Variants in GALNTL5 observed in about 807,000 individuals in gnomAD.
GALNTL5 encodes the protein polypeptide N-acetylgalactosaminyltransferase like 5.
A neutral mutation model predicts 51.0 loss-of-function variants in GALNTL5; 44 were observed. That is an observed-to-expected ratio of 0.86 (90% CI 0.68 to 1.11). GALNTL5 has a LOEUF of 1.11. Among genes scored for constraint, GALNTL5 ranks in the 50% least tolerant of loss-of-function variants. The pLI is 0.00. For missense variants in GALNTL5, 528 were observed against 531.8 expected (o/e 0.99, Z 0.07); for synonymous variants, 192 against 182.8 (o/e 1.05, Z -0.41).
At position 151,967,265 on chromosome 7, in the gene GALNTL5, C is replaced by A; in HGVS notation, c.19C>A (p.Gln7Lys). The A allele has an allele frequency of 6.2e-7, 1 of 1,611,270 alleles. No homozygotes were observed. Among genetic ancestry groups the A allele is most frequent in the African/African-American group, 1.3e-5 (1 of 74,878 alleles). ...ATTTACAATGAGAAATGCCATAATT[C>A]AAGGTTTATTCTATGGGTCCTTGAC... MRNAII[Q>K]GLFYGSLTFG... The change falls in exon 2 of 9, where the codon CAA becomes AAA. Residue 7 changes from glutamine to lysine, a missense_variant. Gln to Lys is a moderately conservative substitution (Grantham distance 53). Transcript: ENST00000392800.
At chr7:151,966,718 A>G (rs541796096) in intron 1 of GALNTL5, among the ~76,000 whole-genome samples, 2 of 152,350 alleles carry the variant, frequency 1.3e-5, no homozygotes, top group South Asian at 2.1e-4. Flanking sequence ...TCATATACAT[A>G]TCTTCAACAT....
intron 5 of GALNTL5, among the ~76,000 whole-genome samples, chr7:151,997,667 T>C (rs1443849402): frequency 6.6e-6 from 1 of 152,206 alleles, no homozygotes; most frequent in African/African-American, 2.4e-5. Context: ...TCTTTCTGGG[T>C]CATTAGAATC....
At chr7:152,011,792 C>T (rs571540317) in intron 7 of GALNTL5, among the ~76,000 whole-genome samples, 1 of 152,310 alleles carries the variant, frequency 6.6e-6, no homozygotes, top group African/African-American at 2.4e-5. Flanking sequence ...GTGGGTTACC[C>T]TTGGCCCATC....
At chr7:151,982,677 G>A (rs2081308048) in intron 3 of GALNTL5, among the ~76,000 whole-genome samples, 1 of 151,590 alleles carries the variant, frequency 6.6e-6, no homozygotes, top group African/African-American at 2.4e-5. Context: ...TATAACAGAA[G>A]CTAATACATG....
chr7:151,988,304 T>C (rs2081386095), intron 5 of GALNTL5, among the ~76,000 whole-genome samples: 1 of 152,168 alleles, frequency 6.6e-6, no homozygotes, highest in African/African-American at 2.4e-5. Flanking sequence ...TCTGAGCAGC[T>C]TGATAGAGAG....
intron 7 of GALNTL5, among the ~76,000 whole-genome samples, chr7:152,009,298 G>A (rs1355521947): frequency 6.6e-6 from 1 of 152,122 alleles, no homozygotes; most frequent in Non-Finnish European, 1.5e-5. Context: ...TCAGCTTTCC[G>A]TGACATCGTT....
Position 151,987,259 on chromosome 7 carries a change from G to C in GALNTL5, c.636G>C (p.Leu212=), listed in dbSNP as rs140077291. ...GAGAGGGGCTGATTCGAGCAAGGCT[G>C]ATTGGAGCTTCTCATGCTTCAGGTA... ...KKREGLIRAR[L]IGASHASGDV... Residue 212 remains leucine (L), a synonymous_variant, in exon 5 of 9, where the codon CTG becomes CTC. Coordinates refer to ENST00000392800, the MANE Select transcript of GALNTL5 (RefSeq NM_145292.4). 6.3e-7 allele frequency: 1 copy of C among 1,583,312 alleles called. No individual in the cohort carries two copies. The highest frequency in any genetic ancestry group is 1.2e-5 in the South Asian group (1 of 83,546).
chr7:151,961,347 A>C (rs2080988500), intron 1 of GALNTL5, among the ~76,000 whole-genome samples: 1 of 152,082 alleles, frequency 6.6e-6, no homozygotes, highest in Admixed American at 6.5e-5. Context: ...ACAAAAAAAA[A>C]AATACAAAAA....
Position 151,967,251 on chromosome 7 carries a change from G to T in GALNTL5, c.5G>T (p.Arg2Ile), listed in dbSNP as rs1389360820. 3 of 1,609,142 alleles carry T rather than the reference G, an allele frequency of 1.9e-6. No individual in the cohort carries two copies. Among genetic ancestry groups the T allele is most frequent in the East Asian group, 2.2e-5 (1 of 44,850 alleles). ...TTTGAAAATGCTAGATTTACAATGA[G>T]AAATGCCATAATTCAAGGTTTATTC... M[R>I]NAIIQGLFYG... The change falls in exon 2 of 9, where the codon AGA becomes ATA. Residue 2 changes from arginine to isoleucine, a missense_variant. Physicochemically the swap from Arg to Ile is moderately conservative, Grantham distance 97. Transcript: ENST00000392800.
Position 152,002,772 on chromosome 7 carries a change from C to T in GALNTL5, c.717C>T (p.Pro239=). 3 of 1,614,030 alleles carry T rather than the reference C, an allele frequency of 1.9e-6. No homozygotes were observed. Among genetic ancestry groups the T allele is most frequent in the Non-Finnish European group, 1.7e-6 (2 of 1,179,938 alleles). Residue 239 remains proline (P), a synonymous_variant, in exon 6 of 9, where the codon CCC becomes CCT. Transcript: ENST00000392800. ...HCEVNRVWLE[P]LLHAIAKDPK... Reference sequence around the variant, plus strand: ...AGGTGAACAGAGTATGGCTGGAGCCCCTGCTGCATGCCATTGCCAAGGACC... The same window carrying T: ...AGGTGAACAGAGTATGGCTGGAGCCTCTGCTGCATGCCATTGCCAAGGACC...
intron 6 of GALNTL5, among the ~76,000 whole-genome samples, chr7:152,007,178 C>T (rs1302067653): frequency 6.6e-6 from 1 of 152,044 alleles, no homozygotes; most frequent in African/African-American, 2.4e-5. Context: ...TACAATTCAC[C>T]TAATGTCTTT....
At chr7:151,998,353 C>CA (rs1470760306) in intron 5 of GALNTL5, among the ~76,000 whole-genome samples, 8 of 151,130 alleles carry the variant, frequency 5.3e-5, no homozygotes, top group East Asian at 3.9e-4. Context: ...ATTTTTTTAA[C>CA]AAAAAAATGT....
intron 1 of GALNTL5, among the ~76,000 whole-genome samples, chr7:151,962,660 G>A (rs1238985319): frequency 6.6e-6 from 1 of 151,780 alleles, no homozygotes; most frequent in Non-Finnish European, 1.5e-5. Context: ...CCAGACTGGA[G>A]TGCAGTGGCA....
intron 3 of GALNTL5, among the ~76,000 whole-genome samples, chr7:151,981,563 TTCCTTCCTTCCTTCCTTCCTTCCTTCCC>T (rs777511070): frequency 0.31 from 15,862 of 51,284 alleles, 1,251 homozygotes; most frequent in South Asian, 0.36. Flanking sequence ...CCTTCCTTCC[TTCCTTCCTTCCTTCCTTCCTTCCTTCCC>T]TCCTTCCTTC....
intron 3 of GALNTL5, among the ~76,000 whole-genome samples, chr7:151,981,543 TCC>T (rs1319830285): frequency 7.7e-6 from 1 of 130,236 alleles, no homozygotes; most frequent in African/African-American, 2.9e-5. Context: ...ACATCTCTCT[TCC>T]CTTCCTTCCT....
At chr7:152,019,416 T>C (rs1264914448) in intron 8 of GALNTL5, among the ~76,000 whole-genome samples, 1 of 152,212 alleles carries the variant, frequency 6.6e-6, no homozygotes, top group Non-Finnish European at 1.5e-5. Flanking sequence ...CCAGTCTTCC[T>C]GGATCCCGCT....
At chr7:151,986,102 G>A (rs2081356706) in intron 4 of GALNTL5, 1 of 152,164 alleles carries the variant, frequency 6.6e-6, no homozygotes, top group South Asian at 2.1e-4. Flanking sequence ...TCTGTGCTGG[G>A]TGATATATTT....
At chr7:151,979,276 A>ATTTTT (rs10681163) in intron 3 of GALNTL5, among the ~76,000 whole-genome samples, 3 of 131,440 alleles carry the variant, frequency 2.3e-5, no homozygotes, top group African/African-American at 8.7e-5. Flanking sequence ...CGCCCAGCTA[A>ATTTTT]TTTTTTTTTT....
At chr7:151,983,798 A>T (rs148483097) in intron 4 of GALNTL5, among the ~76,000 whole-genome samples, 51 of 152,348 alleles carry the variant, frequency 3.3e-4, no homozygotes, top group African/African-American at 1.2e-3. Flanking sequence ...CTTAAGCAGC[A>T]TCGTAAAGGC....
Sources: allele counts gnomAD v4.1 joint callset (sites outside exome capture counted in the v4.1 genomes callset), GRCh38; gene constraint gnomAD v4.1.1; transcripts MANE v1.5; gene names NCBI Gene and HGNC (gene_info 2026-07-23, HGNC 2026-07-21).